Variants in BTBD7 observed in about 807,000 individuals in gnomAD.
BTBD7 encodes the protein BTB domain containing 7.
Under a neutral mutation model 99.9 loss-of-function variants are expected in BTBD7, and 38 were observed. The ratio of observed to expected loss-of-function variants is 0.38; its 90% CI spans 0.29 to 0.50. The LOEUF (loss-of-function observed/expected upper bound fraction) is 0.50. BTBD7 is among the 20% of genes least tolerant of loss of function. The pLI is 0.93. For missense variants in BTBD7, 1,170 were observed against 1,394.6 expected (o/e 0.84, Z 2.57); for synonymous variants, 520 against 511.4 (o/e 1.02, Z -0.23).
Position 93,294,802 on chromosome 14 carries a change from C to T in BTBD7, c.218G>A (p.Arg73His), listed in dbSNP as rs200301546. Reference sequence around the variant, plus strand: ...ATCGGCAGACCTATTAGATTTCCGACGCTTAATAAACTTCTTTTTGAGGGT... The same window carrying T: ...ATCGGCAGACCTATTAGATTTCCGATGCTTAATAAACTTCTTTTTGAGGGT... ...LATLKKKFIK[R>H]RKSNRSADHA... Residue 73 changes from arginine to histidine, a missense_variant, in exon 3 of 11, where the codon CGT (arginine) becomes CAT (histidine). Around this residue, in one of 4 missense-constraint regions of BTBD7, gnomAD observed 359 missense variants for 497.9 expected, o/e 0.72. Coordinates refer to ENST00000334746, the MANE Select transcript of BTBD7 (RefSeq NM_001002860.4). 1.7e-5 allele frequency: 27 copies of T among 1,613,930 alleles called. 1 individual carries two copies. Among genetic ancestry groups the T allele is most frequent in the Admixed American group, 1.7e-4 (10 of 59,994 alleles).
At chr14:93,276,870 C>T (rs1194164886) in intron 3 of BTBD7, among the ~76,000 whole-genome samples, 6 of 149,534 alleles carry the variant, frequency 4.0e-5, no homozygotes, top group East Asian at 3.9e-4. Context: ...CTTCAAGCCA[C>T]GACACACACA....
At chr14:93,316,191 T>C (rs1015662094) in intron 1 of BTBD7, among the ~76,000 whole-genome samples, 1 of 151,744 alleles carries the variant, frequency 6.6e-6, no homozygotes, top group Non-Finnish European at 1.5e-5. Context: ...TGACTTCAGG[T>C]GATCTACCCA....
rs760363456 is a variant in BTBD7, at chr14:93,294,879, G to A, written c.141C>T (p.Asp47=). Residue 47 remains aspartate, a synonymous_variant, in exon 3 of 11, where the codon GAC becomes GAT. Coordinates refer to ENST00000334746, the MANE Select transcript of BTBD7 (RefSeq NM_001002860.4). ...YGCESKLYSL[D]HGHEKPQDKK... ...TGTCTTGTGGTTTCTCATGGCCATG[G>A]TCAAGGCTATACAACTTTGATTCGC... 6.2e-7 allele frequency: 1 copy of A among 1,612,798 alleles called. No individual in the cohort carries two copies. The highest frequency in any genetic ancestry group is 2.2e-5 in the East Asian group (1 of 44,876).
chr14:93,309,571 G>C (rs1404993061), intron 1 of BTBD7, among the ~76,000 whole-genome samples: 1 of 151,832 alleles, frequency 6.6e-6, no homozygotes, highest in Non-Finnish European at 1.5e-5. Flanking sequence ...GAAGGAAGCT[G>C]CCACGTCTAC....
At chr14:93,292,998 T>C (rs1052072147) in intron 3 of BTBD7, among the ~76,000 whole-genome samples, 1 of 152,236 alleles carries the variant, frequency 6.6e-6, no homozygotes, top group African/African-American at 2.4e-5. Context: ...CTAATGTTCT[T>C]TTAGCTAATA....
At position 93,246,287 on chromosome 14, in the gene BTBD7, C is replaced by T. The variant is rs770745550; in HGVS notation, c.2122-1G>A. ...CATCAGGAAAGAATTTGTGAGGATT[C>T]TAAAAAAGATTAAAAAAAAAAAAAA... On this transcript the variant is annotated splice_acceptor_variant, in intron 9 of 10. Transcript: ENST00000334746. LOFTEE classifies it high-confidence loss of function. 5.8e-6 allele frequency: 8 copies of T among 1,384,846 alleles called. No individual in the cohort carries two copies. Among genetic ancestry groups the T allele is most frequent in the Non-Finnish European group, 4.7e-6 (5 of 1,062,896 alleles). The allele number at this position is 1,384,846 out of a possible 1,614,324, so 85.8% of individuals were successfully genotyped here. A position where few individuals can be genotyped will look rare whatever the true frequency, so the allele number is the denominator to read the frequency against.
intron 3 of BTBD7, among the ~76,000 whole-genome samples, chr14:93,289,002 A>G (rs2052814417): frequency 6.6e-6 from 1 of 152,092 alleles, no homozygotes; most frequent in Non-Finnish European, 1.5e-5. Context: ...TTCTTTAGAA[A>G]ATTCAGAAAA....
intron 3 of BTBD7, among the ~76,000 whole-genome samples, chr14:93,265,493 T>C (rs1170740782): frequency 6.6e-6 from 1 of 152,252 alleles, no homozygotes; most frequent in East Asian, 1.9e-4. Flanking sequence ...ATGTGTTGAA[T>C]GTACAAATGA....
chr14:93,269,599 C>T (rs549740685), intron 3 of BTBD7, among the ~76,000 whole-genome samples: 2 of 152,282 alleles, frequency 1.3e-5, no homozygotes, highest in African/African-American at 2.4e-5. Context: ...CAAACTATCG[C>T]GAGTCATGCT....
chr14:93,246,429 A>G (rs1434543433), intron 9 of BTBD7, 143 bp from the exon 10 acceptor site: 1 of 973,320 alleles, frequency 1.0e-6, no homozygotes, highest in African/African-American at 1.7e-5. Flanking sequence ...TTTCTAGGCC[A>G]GAAGCCCAAG....
At chr14:93,314,976 G>A (rs753846314) in intron 1 of BTBD7, among the ~76,000 whole-genome samples, 19 of 152,020 alleles carry the variant, frequency 1.2e-4, no homozygotes, top group Non-Finnish European at 2.2e-4. Context: ...AATAATAAAC[G>A]GAAAATATTC....
intron 3 of BTBD7, among the ~76,000 whole-genome samples, chr14:93,283,829 G>C (rs1212575299): frequency 6.6e-6 from 1 of 152,186 alleles, no homozygotes; most frequent in African/African-American, 2.4e-5. Flanking sequence ...TGGGATTACA[G>C]GCATGAGCCA....
In BTBD7 at chr14:93,253,633, A is replaced by G. The variant is rs2052393179; in HGVS notation, c.1752+14T>C. 1.9e-6 allele frequency: 3 copies of G among 1,608,276 alleles called. No individual in the cohort carries two copies. Among genetic ancestry groups the G allele is most frequent in the East Asian group, 2.2e-5 (1 of 44,846 alleles). On this transcript the variant is annotated intron_variant, in intron 7 of 10. Transcript: ENST00000334746. ...TAATAAAGTAGTCTACTATCTTCAA[A>G]TGGTTTTCATTACCTTTGCTTCTTC...
At chr14:93,285,350 T>TA (rs1349389663) in intron 3 of BTBD7, among the ~76,000 whole-genome samples, 5 of 152,186 alleles carry the variant, frequency 3.3e-5, no homozygotes, top group Non-Finnish European at 7.4e-5. Flanking sequence ...TTTAATTCAA[T>TA]AAAATATAAT....
In BTBD7 at chr14:93,242,336, T is replaced by C. The variant is rs2052240527; in HGVS notation, c.3336A>G (p.Ser1112=). The C allele has an allele frequency of 6.2e-7, 1 of 1,614,092 alleles. No homozygotes were observed. The highest frequency in any genetic ancestry group is 1.7e-5 in the Admixed American group (1 of 60,006). ...TTGGTGACCTCCTTCCTCTGCTTAT[T>C]GAATCTTCCCTTTCCAAATCTGTAT... is the stretch of plus-strand genomic sequence containing the variant. ...QRNTDLERED[S]ISRGRRSPSK... Residue 1112 remains serine (S), a synonymous_variant, in exon 11 of 11, where the codon TCA becomes TCG. Coordinates refer to ENST00000334746, the MANE Select transcript of BTBD7 (RefSeq NM_001002860.4).
chr14:93,331,882 C>G (rs190139038), intron 1 of BTBD7, among the ~76,000 whole-genome samples: 3 of 146,282 alleles, frequency 2.1e-5, no homozygotes, highest in Admixed American at 1.3e-4. Flanking sequence ...CTCCGTCTCC[C>G]CCCCCCCAAA....
intron 3 of BTBD7, among the ~76,000 whole-genome samples, chr14:93,276,443 G>C (rs945366012): frequency 7.2e-5 from 11 of 152,068 alleles, no homozygotes; most frequent in African/African-American, 2.7e-4. Context: ...GGAAGGGTGG[G>C]GGACTCTTTA....
intron 3 of BTBD7, among the ~76,000 whole-genome samples, chr14:93,265,324 G>A (rs1371144617): frequency 1.3e-5 from 2 of 152,188 alleles, no homozygotes; most frequent in African/African-American, 2.4e-5. Flanking sequence ...ACCAGATGAG[G>A]AGAAATATCA....
At chr14:93,319,766 T>C (rs1431423026) in intron 1 of BTBD7, among the ~76,000 whole-genome samples, 1 of 152,204 alleles carries the variant, frequency 6.6e-6, no homozygotes, top group East Asian at 1.9e-4. Flanking sequence ...ATGTATTGTA[T>C]ACTTAAAAAT....
Sources: gnomAD v4.1 joint callset for allele counts (sites outside exome capture counted in the v4.1 genomes callset) on GRCh38, gnomAD v4.1.1 for gene constraint, gnomAD v4.1.1 regional missense constraint, MANE v1.5 for transcripts, NCBI Gene and HGNC (gene_info 2026-07-23, HGNC 2026-07-21) for gene names.